Variants in CHST11 observed in about 807,000 individuals in gnomAD.
CHST11 encodes the protein C4S-1.
A neutral mutation model predicts 30.4 loss-of-function variants in CHST11; 9 were observed. The ratio of observed to expected loss-of-function variants is 0.30; its 90% confidence interval spans 0.18 to 0.52. CHST11 has a LOEUF of 0.52. Ranked by LOEUF, CHST11 falls within the 20% of genes least tolerant of loss-of-function variation. The pLI is 0.97. For synonymous variants in CHST11, 152 were observed against 187.8 expected, an observed-to-expected ratio of 0.81 and a Z score of 1.56; for missense variants, 348 against 460.6, an observed-to-expected ratio of 0.76 and a Z score of 2.24.
At chr12:104,695,446 AGTGTGTGT>A (rs67943103) in intron 2 of CHST11, among the ~76,000 whole-genome samples, 16 of 149,450 alleles carry the variant, frequency 1.1e-4, no homozygotes, top group African/African-American at 2.0e-4. Context: ...CAACACAATG[AGTGTGTGT>A]GTGTGTGTGT....
At chr12:104,711,864 C>T (rs961989848) in intron 2 of CHST11, among the ~76,000 whole-genome samples, 8 of 152,224 alleles carry the variant, frequency 5.3e-5, no homozygotes, top group African/African-American at 1.9e-4. Flanking sequence ...AAATAGGAGG[C>T]CACTGAGGCA....
chr12:104,725,552 C>T (rs1264540201), intron 2 of CHST11, among the ~76,000 whole-genome samples: 1 of 151,186 alleles, frequency 6.6e-6, no homozygotes, highest in African/African-American at 2.4e-5. Flanking sequence ...CCTGCCTCCC[C>T]TGTGTCTCCT....
intron 2 of CHST11, among the ~76,000 whole-genome samples, chr12:104,755,265 A>G (rs1011459370): frequency 2.0e-5 from 3 of 152,232 alleles, no homozygotes; most frequent in African/African-American, 7.2e-5. Context: ...TTTCACGGAT[A>G]CAGCTGCATT....
intron 1 of CHST11, among the ~76,000 whole-genome samples, chr12:104,548,281 AT>A (rs2038371371): frequency 6.6e-6 from 1 of 152,212 alleles, no homozygotes; most frequent in Non-Finnish European, 1.5e-5. Context: ...GGGAGAAGTG[AT>A]GTGCTGGTAA....
chr12:104,755,093 A>G (rs1352901421), intron 2 of CHST11, among the ~76,000 whole-genome samples: 2 of 152,256 alleles, frequency 1.3e-5, no homozygotes, highest in African/African-American at 4.8e-5. Flanking sequence ...TTCCCCAGCA[A>G]ACTCATCAGT....
At chr12:104,462,309 T>G (rs2037417904) in intron 1 of CHST11, among the ~76,000 whole-genome samples, 1 of 150,206 alleles carries the variant, frequency 6.7e-6, no homozygotes, top group African/African-American at 2.4e-5. Context: ...TATTTATATA[T>G]TCTGTATTTT....
intron 1 of CHST11, among the ~76,000 whole-genome samples, chr12:104,502,734 A>G (rs945018229): frequency 1.3e-5 from 2 of 152,190 alleles, no homozygotes; most frequent in Non-Finnish European, 2.9e-5. Context: ...CATCATCAGG[A>G]AAGAGTTCAT....
At chr12:104,631,181 T>C (rs1187627061) in intron 2 of CHST11, among the ~76,000 whole-genome samples, 1 of 152,202 alleles carries the variant, frequency 6.6e-6, no homozygotes, top group Non-Finnish European at 1.5e-5. Flanking sequence ...GGCGTATTTA[T>C]GAATACTGGC....
At chr12:104,482,308 G>A (rs1217922310) in intron 1 of CHST11, among the ~76,000 whole-genome samples, 1 of 151,422 alleles carries the variant, frequency 6.6e-6, no homozygotes, top group African/African-American at 2.4e-5. Flanking sequence ...TCTGCCACCT[G>A]GGGCTGCTGG....
intron 1 of CHST11, among the ~76,000 whole-genome samples, chr12:104,506,885 C>T (rs190003112): frequency 1.6e-4 from 25 of 152,220 alleles, no homozygotes; most frequent in African/African-American, 5.8e-4. Flanking sequence ...AACAGTCGAC[C>T]TCTAAATGGG....
At chr12:104,640,408 C>T (rs2039364866) in intron 2 of CHST11, among the ~76,000 whole-genome samples, 2 of 152,242 alleles carry the variant, frequency 1.3e-5, no homozygotes, top group Middle Eastern at 3.4e-3. Flanking sequence ...CAGAAATATG[C>T]CATCCAGCCA....
intron 2 of CHST11, among the ~76,000 whole-genome samples, chr12:104,610,041 C>CTGTGTG (rs1491162351): frequency 1.3e-4 from 16 of 120,442 alleles, no homozygotes; most frequent in African/African-American, 5.0e-4. Flanking sequence ...CCATGAGTGC[C>CTGTGTG]TCTGTGTGTG....
Position 104,758,377 on chromosome 12 carries a change from G to A in CHST11, c.*574G>A, listed in dbSNP as rs2040497488. On this transcript the variant is annotated 3_prime_UTR_variant, in exon 3 of 3. Coordinates refer to ENST00000303694, the MANE Select transcript of CHST11 (RefSeq NM_018413.6). ...ATTCCAAACCAATTCCAATCGACCTGAAAGTCCCTTGCACTAAAGAAATGT... is the reference window on the plus strand; with the variant it reads ...ATTCCAAACCAATTCCAATCGACCTAAAAGTCCCTTGCACTAAAGAAATGT... 6.6e-6 allele frequency: 1 copy of A among 152,130 alleles called. No individual in the cohort carries two copies. The highest frequency in any genetic ancestry group is 2.4e-5 in the African/African-American group (1 of 41,410). The allele number at this position is 152,130 out of a possible 1,614,324, so 9.4% of individuals were successfully genotyped here.
At chr12:104,549,155 C>T (rs1381641745) in intron 1 of CHST11, among the ~76,000 whole-genome samples, 1 of 152,110 alleles carries the variant, frequency 6.6e-6, no homozygotes, top group African/African-American at 2.4e-5. Flanking sequence ...TGCAGATTCA[C>T]CATGTTTAGT....
chr12:104,645,460 A>G (rs2039418314), intron 2 of CHST11, among the ~76,000 whole-genome samples: 1 of 152,180 alleles, frequency 6.6e-6, no homozygotes, highest in Non-Finnish European at 1.5e-5. Flanking sequence ...TCTGCTTTGC[A>G]AGAAATATTT....
intron 1 of CHST11, among the ~76,000 whole-genome samples, chr12:104,557,249 T>A (rs916634760): frequency 4.6e-5 from 7 of 152,174 alleles, no homozygotes; most frequent in Non-Finnish European, 8.8e-5. Context: ...GGAAGTGAAC[T>A]CACTTCTGCC....
At chr12:104,559,629 G>C (rs1327755802) in intron 1 of CHST11, among the ~76,000 whole-genome samples, 1 of 152,132 alleles carries the variant, frequency 6.6e-6, no homozygotes, top group Non-Finnish European at 1.5e-5. Context: ...TGTAATCCCA[G>C]CTACTCTGGA....
At chr12:104,630,351 G>C (rs970171338) in intron 2 of CHST11, among the ~76,000 whole-genome samples, 2 of 152,210 alleles carry the variant, frequency 1.3e-5, no homozygotes, top group Non-Finnish European at 2.9e-5. Flanking sequence ...CATAGGATTT[G>C]TTGTAAAGGT....
At chr12:104,578,312 T>C (rs1041298601) in intron 1 of CHST11, among the ~76,000 whole-genome samples, 2 of 152,186 alleles carry the variant, frequency 1.3e-5, no homozygotes, top group African/African-American at 4.8e-5. Flanking sequence ...TTGAACTAGA[T>C]GCCTTGTAAT....
Sources: gnomAD v4.1 joint callset for allele counts (sites outside exome capture counted in the v4.1 genomes callset) on GRCh38, gnomAD v4.1.1 for gene constraint, MANE v1.5 for transcripts, NCBI Gene and HGNC (gene_info 2026-07-23, HGNC 2026-07-21) for gene names.